Variants in RIMBP2 observed in about 807,000 individuals in gnomAD.
RIMBP2 encodes RIMS-binding protein 2.
Under a neutral mutation model 118.6 loss-of-function variants are expected in RIMBP2, and 48 were observed. The observed-to-expected ratio is 0.40, with a 90% CI of 0.32 to 0.51. The LOEUF (loss-of-function observed/expected upper bound fraction) is 0.51. Ranked by LOEUF, RIMBP2 falls within the 20% of genes least tolerant of loss-of-function variation. RIMBP2 has a pLI of 0.41. For missense variants in RIMBP2, 1,551 were observed against 1,768.3 expected (o/e 0.88, Z 2.20); for synonymous variants, 762 against 742.9 (o/e 1.03, Z -0.42).
intron 2 of RIMBP2, among the ~76,000 whole-genome samples, chr12:130,529,630 T>C (rs1033708645): frequency 3.9e-5 from 6 of 152,138 alleles, no homozygotes; most frequent in Non-Finnish European, 8.8e-5. Flanking sequence ...CAATTTTACG[T>C]CAATTTCTTT....
chr12:130,586,421 G>C (rs769564136), intron 2 of RIMBP2, among the ~76,000 whole-genome samples: 1 of 152,140 alleles, frequency 6.6e-6, no homozygotes, highest in Non-Finnish European at 1.5e-5. Flanking sequence ...CACAGCACTC[G>C]AGCCTGGGCA....
chr12:130,472,998 A>C (rs2137931082), intron 5 of RIMBP2, among the ~76,000 whole-genome samples: 1 of 152,346 alleles, frequency 6.6e-6, no homozygotes, highest in Admixed American at 6.5e-5. Context: ...ACATACAGGG[A>C]TTATATAAAT....
At chr12:130,507,557 C>T (rs1158980088) in intron 3 of RIMBP2, among the ~76,000 whole-genome samples, 1 of 152,176 alleles carries the variant, frequency 6.6e-6, no homozygotes, top group Non-Finnish European at 1.5e-5. Context: ...ATGCATTCCC[C>T]CAATAAACCC....
chr12:130,411,638 G>T (rs1220688908), intron 19 of RIMBP2, among the ~76,000 whole-genome samples: 2 of 152,174 alleles, frequency 1.3e-5, no homozygotes, highest in African/African-American at 2.4e-5. Context: ...GGTGTACAGG[G>T]CCTGTGCTCT....
At chr12:130,571,965 G>A (rs1024254814) in intron 2 of RIMBP2, among the ~76,000 whole-genome samples, 17 of 152,170 alleles carry the variant, frequency 1.1e-4, no homozygotes, top group Non-Finnish European at 1.2e-4. Context: ...TCAGATGGTC[G>A]GCCTGTCCCG....
chr12:130,651,047 C>T (rs1437940165), intron 1 of RIMBP2, among the ~76,000 whole-genome samples: 1 of 151,660 alleles, frequency 6.6e-6, no homozygotes, highest in African/African-American at 2.4e-5. Context: ...AGAAAGCTTC[C>T]GAGCCACTTA....
intron 2 of RIMBP2, among the ~76,000 whole-genome samples, chr12:130,610,390 A>T (rs981858431): frequency 6.6e-6 from 1 of 152,168 alleles, no homozygotes; most frequent in Non-Finnish European, 1.5e-5. Context: ...AAGTCAGGTA[A>T]TTTTTTAAAA....
intron 2 of RIMBP2, among the ~76,000 whole-genome samples, chr12:130,599,098 G>A (rs73156953): frequency 2.1e-3 from 323 of 152,286 alleles, no homozygotes; most frequent in Non-Finnish European, 3.4e-3. Flanking sequence ...AGAGTCATAC[G>A]CAATAAGTAA....
chr12:130,556,122 G>A (rs2056331106), intron 2 of RIMBP2, among the ~76,000 whole-genome samples: 1 of 152,192 alleles, frequency 6.6e-6, no homozygotes, highest in Admixed American at 6.5e-5. Flanking sequence ...TGTGTTCCTG[G>A]TGTCAAGCAA....
rs552919163 is a variant in RIMBP2, at chr12:130,582,263, A to G, written c.-217+46059T>C. On this transcript the variant is annotated intron_variant, in intron 2 of 22. Transcript: ENST00000690449. ...TTTTTTTTAATCTGTTTTGTTCACT[A>G]TTGTATTTTCTGTGCCTGGTACATA... 1.3e-3 allele frequency among the ~76,000 whole-genome samples: 199 copies of G among 152,046 alleles called. 1 individual carries two copies. Among genetic ancestry groups the G allele is most frequent in the African/African-American group, 4.5e-3 (188 of 41,474 alleles).
rs2062975680 is a variant in RIMBP2, at chr12:130,646,445, ACCTCCCTCG to A, written c.-351-17998_-351-17990del. Among the ~76,000 whole-genome samples the A allele has an allele frequency of 1.6e-4, 9 of 56,184 alleles. 4 individuals carry two copies. The highest frequency in any genetic ancestry group is 1.1e-3 in the Admixed American group (6 of 5,544). The allele number at this position is 56,184 out of a possible 152,430, so 36.9% of individuals were successfully genotyped here. Reference sequence around the variant, plus strand: ...CACTTCCCTCTCCACCTCCCTTGCCACCTCCCTCGCCACCTCCCTCGCTACCTCCCTCAC... The same window carrying A: ...CACTTCCCTCTCCACCTCCCTTGCCACCACCTCCCTCGCTACCTCCCTCAC... On this transcript the variant is annotated intron_variant, in intron 1 of 22. Transcript: ENST00000690449.
intron 1 of RIMBP2, among the ~76,000 whole-genome samples, chr12:130,689,224 G>A (rs2065207224): frequency 6.6e-6 from 1 of 152,134 alleles, no homozygotes; most frequent in Admixed American, 6.5e-5. Context: ...TCTGAGGTCA[G>A]GAGTTCGAGC....
chr12:130,663,492 A>C (rs1421001672), intron 1 of RIMBP2, among the ~76,000 whole-genome samples: 1 of 151,714 alleles, frequency 6.6e-6, no homozygotes, highest in Non-Finnish European at 1.5e-5. Context: ...TAAGAGTAAA[A>C]ATTAGGTTTA....
intron 2 of RIMBP2, among the ~76,000 whole-genome samples, chr12:130,571,542 C>T (rs7306054): frequency 0.013 from 1,946 of 152,020 alleles, 36 homozygotes; most frequent in African/African-American, 0.044. Flanking sequence ...GCCTTAGCCT[C>T]CCGGGTAGCT....
At chr12:130,580,999 C>T (rs1004003491) in intron 2 of RIMBP2, among the ~76,000 whole-genome samples, 6 of 151,912 alleles carry the variant, frequency 3.9e-5, no homozygotes, top group Non-Finnish European at 7.4e-5. Flanking sequence ...TAAAATATCT[C>T]CTATCTTGGC....
intron 2 of RIMBP2, among the ~76,000 whole-genome samples, chr12:130,568,196 C>T (rs757580743): frequency 1.3e-4 from 20 of 152,204 alleles, no homozygotes; most frequent in Non-Finnish European, 2.6e-4. Flanking sequence ...CTCATAACTT[C>T]TAAAGCAAAG....
intron 11 of RIMBP2, among the ~76,000 whole-genome samples, chr12:130,439,733 G>A (rs1490761809): frequency 3.5e-5 from 5 of 143,690 alleles, no homozygotes; most frequent in Admixed American, 6.9e-5. Flanking sequence ...GTTTGTGGGT[G>A]TGTGTATGTG....
chr12:130,659,572 CAA>C (rs35240766), intron 1 of RIMBP2, among the ~76,000 whole-genome samples: 44 of 140,756 alleles, frequency 3.1e-4, no homozygotes, highest in African/African-American at 6.0e-4. Context: ...CTGTCTCAAA[CAA>C]AAAAAAAAAA....
chr12:130,643,042 T>G (rs2062694036), intron 1 of RIMBP2, among the ~76,000 whole-genome samples: 1 of 152,214 alleles, frequency 6.6e-6, no homozygotes, highest in African/African-American at 2.4e-5. Context: ...CCTGCCTCTC[T>G]AAACGGCGAT....
Sources: allele counts gnomAD v4.1 joint callset (sites outside exome capture counted in the v4.1 genomes callset), GRCh38; gene constraint gnomAD v4.1.1; transcripts MANE v1.5; gene names NCBI Gene and HGNC (gene_info 2026-07-23, HGNC 2026-07-21).